LHX8: variants seen among roughly 807,000 people sequenced by gnomAD.
LHX8 encodes LIM/homeobox protein Lhx8.
Under a neutral mutation model 40.3 loss-of-function variants are expected in LHX8, and 12 were observed. That is an observed-to-expected ratio of 0.30 (90% CI 0.19 to 0.48). The LOEUF (loss-of-function observed/expected upper bound fraction) is 0.48. Ranked by LOEUF, LHX8 falls within the 20% of genes least tolerant of loss-of-function variation. The pLI is 0.99. For missense variants in LHX8, 344 were observed against 433.7 expected, an observed-to-expected ratio of 0.79 and a Z score of 1.84; for synonymous variants, 179 against 162.0, an observed-to-expected ratio of 1.10 and a Z score of -0.80.
the LHX8 span, among the ~76,000 whole-genome samples, chr1:75,169,091 G>A: frequency 6.6e-6 from 1 of 152,032 alleles, no homozygotes; most frequent in Non-Finnish European, 1.5e-5. Flanking sequence ...TGGCCTTGAA[G>A]GGCACTTTTC....
the LHX8 span, among the ~76,000 whole-genome samples, chr1:75,191,969 A>G: frequency 2.6e-5 from 4 of 152,214 alleles, no homozygotes; most frequent in Non-Finnish European, 5.9e-5. Flanking sequence ...AAAAATATGT[A>G]TAGCCAGTCT....
At position 75,134,952 on chromosome 1, in the gene LHX8, C is replaced by A; in HGVS notation, c.-15C>A. ...CTCGAGCCTAAGGCGCTCTCAGGTCCATGTGAGTCGTGCTTTTGTTCTATT... is the reference window on the plus strand; with the variant it reads ...CTCGAGCCTAAGGCGCTCTCAGGTCAATGTGAGTCGTGCTTTTGTTCTATT... On this transcript the variant is annotated splice_region_variant and 5_prime_UTR_variant, in exon 1 of 9. Coordinates refer to ENST00000356261, the MANE Select transcript of LHX8 (RefSeq NM_001256114.2). 1.0e-6 allele frequency: 1 copy of A among 984,922 alleles called. No individual in the cohort carries two copies. Among genetic ancestry groups the A allele is most frequent in the Non-Finnish European group, 1.2e-6 (1 of 829,526 alleles). The allele number at this position is 984,922 out of a possible 1,614,324, so 61.0% of individuals were successfully genotyped here.
chr1:75,199,084 G>A, the LHX8 span, among the ~76,000 whole-genome samples: 3 of 152,148 alleles, frequency 2.0e-5, no homozygotes, highest in South Asian at 2.1e-4. Context: ...TGGCTTCAAC[G>A]CTGTTTATCA....
In LHX8 at chr1:75,157,029, T is replaced by C; in HGVS notation, c.917T>C (p.Val306Ala). 6.2e-7 allele frequency: 1 copy of C among 1,614,186 alleles called. No individual in the cohort carries two copies. The highest frequency in any genetic ancestry group is 2.2e-5 in the East Asian group (1 of 44,880). The change falls in exon 8 of 9, where the codon GTG becomes GCG. Residue 306 changes from valine (V) to alanine (A), a missense_variant. Val to Ala is a moderately conservative substitution (Grantham distance 64). Coordinates refer to ENST00000356261, the MANE Select transcript of LHX8 (RefSeq NM_001256114.2). ...GAAGAAATGGCTTATTCTGCCTACG[T>C]GCCCCAAGATGGAACGATGTTAACT... ...MLEEMAYSAY[V>A]PQDGTMLTAL...
upstream of LHX8, chr1:75,132,905 G>A (rs1264388376): frequency 6.6e-6 from 1 of 152,206 alleles, no homozygotes; most frequent in Non-Finnish European, 1.5e-5. Context: ...CCATTCGGAA[G>A]AGCGGTCTCC....
intron 1 of LHX8, 52 bp from the exon 2 acceptor site, chr1:75,136,551 C>T (rs1023016254): frequency 2.2e-6 from 3 of 1,349,148 alleles, no homozygotes; most frequent in East Asian, 5.0e-5. Flanking sequence ...GGGCAGCACG[C>T]TCGGAACTTC....
the LHX8 span, among the ~76,000 whole-genome samples, chr1:75,181,953 G>A: frequency 6.6e-6 from 1 of 152,082 alleles, no homozygotes. Context: ...TGTGTTGCCT[G>A]TTTACTTTGC....
In LHX8 at chr1:75,156,925, G is replaced by A. The variant is rs1481997050; in HGVS notation, c.813G>A (p.Lys271=). The change falls in exon 8 of 9, where the codon AAG becomes AAA. Residue 271 remains lysine (K), a synonymous_variant. Transcript: ENST00000356261. ...VWFQNCRARH[K]KHVSPNHSSS... is the part of the protein sequence containing the mutation. ...TTCAGAATTGTAGAGCACGCCACAA[G>A]AAACACGTCAGTCCTAATCACTCAT... 6.2e-7 allele frequency: 1 copy of A among 1,614,146 alleles called. No homozygotes were observed. The highest frequency in any genetic ancestry group is 1.1e-5 in the South Asian group (1 of 91,078).
chr1:75,129,316 G>A (rs1159298104), intron 1 of LHX8, among the ~76,000 whole-genome samples: 1 of 152,158 alleles, frequency 6.6e-6, no homozygotes, highest in Non-Finnish European at 1.5e-5. Context: ...AGGGAGAGGA[G>A]GAGGATAGGA....
chr1:75,137,552 G>A (rs1370166263), intron 3 of LHX8, among the ~76,000 whole-genome samples: 1 of 152,164 alleles, frequency 6.6e-6, no homozygotes, highest in African/African-American at 2.4e-5. Flanking sequence ...TGTAGTGGAA[G>A]GGAAGTGGAA....
At chr1:75,195,644 C>T in the LHX8 span, among the ~76,000 whole-genome samples, 1 of 152,144 alleles carries the variant, frequency 6.6e-6, no homozygotes, top group Non-Finnish European at 1.5e-5. Flanking sequence ...TACTTTGAGA[C>T]CTAATCTATC....
rs1293447308 is a variant in LHX8, at chr1:75,161,098, CAAG to C, written c.*209_*211del. On this transcript the variant is annotated 3_prime_UTR_variant, in exon 9 of 9. Coordinates refer to ENST00000356261, the MANE Select transcript of LHX8 (RefSeq NM_001256114.2). ...TCATTTTTTGTAAAACTTATGTTTA[CAAG>C]AAGAAAACAAATCAAAACATTTTTT... The C allele has an allele frequency of 1.2e-5, 7 of 561,250 alleles. No individual in the cohort carries two copies. The highest frequency in any genetic ancestry group is 6.2e-5 in the Admixed American group (2 of 32,168). 34.8% of individuals were successfully genotyped at this position (561,250 alleles called of 1,614,324 possible). A position where few individuals can be genotyped will look rare whatever the true frequency, so the allele number is the denominator to read the frequency against.
chr1:75,174,645 C>G, the LHX8 span, among the ~76,000 whole-genome samples: 6 of 152,118 alleles, frequency 3.9e-5, no homozygotes, highest in Non-Finnish European at 5.9e-5. Flanking sequence ...AAAAGCCATC[C>G]TATTTCCTGT....
At chr1:75,129,680 G>T (rs1162927526), upstream of LHX8, among the ~76,000 whole-genome samples, 1 of 152,160 alleles carries the variant, frequency 6.6e-6, no homozygotes, top group East Asian at 1.9e-4. Context: ...AAACCATCTG[G>T]TTTTTGCACT....
the LHX8 span, among the ~76,000 whole-genome samples, chr1:75,181,310 C>A: frequency 6.6e-6 from 1 of 152,154 alleles, no homozygotes; most frequent in African/African-American, 2.4e-5. Flanking sequence ...TATGCCCTGC[C>A]CCCAGAGGTG....
chr1:75,148,694 A>G lies in LHX8; in HGVS notation c.780+12A>G. 6.8e-7 allele frequency: 1 copy of G among 1,466,992 alleles called. No individual in the cohort carries two copies. Among genetic ancestry groups the G allele is most frequent in the Non-Finnish European group, 9.1e-7 (1 of 1,096,340 alleles). 90.9% of individuals were successfully genotyped at this position (1,466,992 alleles called of 1,614,324 possible). On this transcript the variant is annotated intron_variant, in intron 7 of 8. Transcript: ENST00000356261. ...GACGTGTGATACAGGTGATTACTTT[A>G]CTTTTTTTTTTTTTTAAGGTTTTTA...
At chr1:75,185,700 T>A in the LHX8 span, among the ~76,000 whole-genome samples, 1 of 151,982 alleles carries the variant, frequency 6.6e-6, no homozygotes, top group Non-Finnish European at 1.5e-5. Flanking sequence ...ACCAGGAAAA[T>A]GAGGCAAGAG....
At chr1:75,175,851 G>T in the LHX8 span, among the ~76,000 whole-genome samples, 1 of 151,972 alleles carries the variant, frequency 6.6e-6, no homozygotes, top group African/African-American at 2.4e-5. Flanking sequence ...GGCCTGGTGT[G>T]TGATGTTCCC....
the LHX8 span, among the ~76,000 whole-genome samples, chr1:75,182,665 G>A: frequency 2.6e-4 from 40 of 152,228 alleles, no homozygotes; most frequent in South Asian, 6.6e-3. Flanking sequence ...GAGCCACTGC[G>A]CTCCGCCTTA....
Sources: gnomAD v4.1 joint callset for allele counts (sites outside exome capture counted in the v4.1 genomes callset) on GRCh38, gnomAD v4.1.1 for gene constraint, MANE v1.5 for transcripts, NCBI Gene and HGNC (gene_info 2026-07-23, HGNC 2026-07-21) for gene names.